ARSJ: variants seen among roughly 807,000 people sequenced by gnomAD.
ARSJ encodes arylsulfatase family member J.
In ARSJ, 26 loss-of-function variants were observed where a neutral mutation model predicts 35.9. The ratio of observed to expected loss-of-function variants is 0.72; its 90% CI spans 0.53 to 1.00. ARSJ has a LOEUF of 1.00. Ranked by LOEUF, ARSJ falls within the 50% of genes least tolerant of loss-of-function variation. The pLI, the probability that ARSJ is intolerant of heterozygous loss-of-function variation, is 0.00. For missense variants in ARSJ, 667 were observed against 723.6 expected (o/e 0.92, Z 0.90); for synonymous variants, 294 against 267.6 (o/e 1.10, Z -0.96).
Position 113,976,478 on chromosome 4 carries a change from A to C in ARSJ, c.398+1959T>G, listed in dbSNP as rs80287661. Among the ~76,000 whole-genome samples, 2,033 of 152,294 alleles carry C rather than the reference A, an allele frequency of 0.013. 114 individuals carry two copies. The East Asian group carries it at 0.16, about 12-fold the overall frequency. On this transcript the variant is annotated intron_variant, in intron 1 of 1. Transcript: ENST00000315366. ...AGTAATTTATATACTACTGCCCAAG[A>C]TCATTGCCAGGGGCTGATTGCAAAA...
At chr4:113,924,054 TAAATATATATAAATATATATAA>T (rs1723865082) in intron 1 of ARSJ, among the ~76,000 whole-genome samples, 2 of 124,752 alleles carry the variant, frequency 1.6e-5, no homozygotes, top group Non-Finnish European at 3.3e-5. Flanking sequence ...TAAATATATA[TAAATATATATAAATATATATAA>T]ATATATATAT....
chr4:113,932,954 C>A (rs915824136), intron 1 of ARSJ, among the ~76,000 whole-genome samples: 2 of 151,800 alleles, frequency 1.3e-5, no homozygotes, highest in African/African-American at 4.8e-5. Flanking sequence ...AATTGACAGA[C>A]TTTTGAGCTA....
In ARSJ at chr4:113,903,466, C is replaced by G. The variant is rs2099667780; in HGVS notation, c.608G>C (p.Ser203Thr). ...FDTFFGSLLG[S>T]GDYYTHYKCD... ...TTTGTAGTGTGTATAGTAATCCCCACTTCCCAAAAGGGAACCAAAAAAGGT... is the reference window on the plus strand; with the variant it reads ...TTTGTAGTGTGTATAGTAATCCCCAGTTCCCAAAAGGGAACCAAAAAAGGT... The change falls in exon 2 of 2, where the codon AGT (serine) becomes ACT (threonine). Residue 203 changes from serine (S) to threonine (T), a missense_variant. Transcript: ENST00000315366. The G allele has an allele frequency of 6.2e-7, 1 of 1,614,052 alleles. No individual in the cohort carries two copies. The highest frequency in any genetic ancestry group is 1.3e-5 in the African/African-American group (1 of 74,912).
chr4:113,907,563 A>G (rs2099669144), intron 1 of ARSJ, among the ~76,000 whole-genome samples: 1 of 152,152 alleles, frequency 6.6e-6, no homozygotes, highest in South Asian at 2.1e-4. Flanking sequence ...TCTGGCCTCC[A>G]CAAGTCTGTG....
At chr4:113,965,945 T>C (rs1349351915) in intron 1 of ARSJ, among the ~76,000 whole-genome samples, 1 of 152,088 alleles carries the variant, frequency 6.6e-6, no homozygotes, top group African/African-American at 2.4e-5. Context: ...TCAAAGGATC[T>C]AACACAATCT....
intron 1 of ARSJ, among the ~76,000 whole-genome samples, chr4:113,924,820 C>T (rs1269502444): frequency 6.6e-6 from 1 of 152,060 alleles, no homozygotes; most frequent in Non-Finnish European, 1.5e-5. Context: ...AGTTACAGTC[C>T]TCGTTTCTGC....
At chr4:113,975,287 A>C (rs1426633451) in intron 1 of ARSJ, among the ~76,000 whole-genome samples, 1 of 152,216 alleles carries the variant, frequency 6.6e-6, no homozygotes, top group Non-Finnish European at 1.5e-5. Context: ...GGGATAAATG[A>C]GTAACAAAAT....
At position 113,903,368 on chromosome 4, in the gene ARSJ, T is replaced by C. The variant is rs1174181247; in HGVS notation, c.706A>G (p.Ile236Val). The C allele has an allele frequency of 6.2e-7, 1 of 1,614,198 alleles. No homozygotes were observed. Among genetic ancestry groups the C allele is most frequent in the Admixed American group, 1.7e-5 (1 of 60,024 alleles). ...TGAGTGTACATCTGTGTGGAGTATA[T>C]GCCATTGTCATAGTCCCAGGCAGCA... ...DNAAWDYDNG[I>V]YSTQMYTQRV... Residue 236 changes from isoleucine to valine, a missense_variant, in exon 2 of 2, where the codon ATA becomes GTA. Coordinates refer to ENST00000315366, the MANE Select transcript of ARSJ (RefSeq NM_024590.4).
chr4:113,914,644 G>T (rs1405751622), intron 1 of ARSJ, among the ~76,000 whole-genome samples: 1 of 152,174 alleles, frequency 6.6e-6, no homozygotes, highest in African/African-American at 2.4e-5. Context: ...TGTCTTAGCT[G>T]CAAGCCATGT....
intron 1 of ARSJ, among the ~76,000 whole-genome samples, chr4:113,938,006 T>C (rs1028770283): frequency 6.6e-6 from 1 of 152,056 alleles, no homozygotes; most frequent in African/African-American, 2.4e-5. Flanking sequence ...AAATTACTGT[T>C]TACATTCTTC....
intron 1 of ARSJ, among the ~76,000 whole-genome samples, chr4:113,962,079 G>C (rs1421374364): frequency 6.6e-6 from 1 of 151,958 alleles, no homozygotes; most frequent in Non-Finnish European, 1.5e-5. Context: ...CATATGGATG[G>C]ACTAATAACA....
chr4:113,943,972 T>C (rs1000819697), intron 1 of ARSJ, among the ~76,000 whole-genome samples: 6 of 152,002 alleles, frequency 3.9e-5, no homozygotes, highest in African/African-American at 1.2e-4. Context: ...GGCAAAGACA[T>C]TGAAAAATTT....
chr4:113,967,642 T>C (rs1319542888), intron 1 of ARSJ, among the ~76,000 whole-genome samples: 2 of 152,144 alleles, frequency 1.3e-5, no homozygotes, highest in African/African-American at 4.8e-5. Flanking sequence ...AAATAACTGC[T>C]TTCTCTGAAT....
Position 113,903,595 on chromosome 4 carries a change from A to T in ARSJ, c.479T>A (p.Leu160Gln). Residue 160 changes from leucine (L) to glutamine (Q), a missense_variant, in exon 2 of 2, where the codon CTA becomes CAA. Leu to Gln is a moderately radical substitution (Grantham distance 113, BLOSUM62 -2). Transcript: ENST00000315366. ...PNCLPLDNAT[L>Q]PQKLKEVGYS... ...TCCAACCTCCTTCAGTTTCTGAGGT[A>T]GGGTGGCATTGTCCAGAGGTAAACA... The T allele has an allele frequency of 6.2e-7, 1 of 1,614,200 alleles. No homozygotes were observed. Among genetic ancestry groups the T allele is most frequent in the Non-Finnish European group, 8.5e-7 (1 of 1,180,014 alleles).
chr4:113,929,489 A>C (rs557568820), intron 1 of ARSJ, among the ~76,000 whole-genome samples: 1 of 152,212 alleles, frequency 6.6e-6, no homozygotes, highest in Admixed American at 6.5e-5. Context: ...TCTGGCAACA[A>C]AGGTTCATCA....
At chr4:113,925,854 C>G (rs1225509720) in intron 1 of ARSJ, among the ~76,000 whole-genome samples, 1 of 152,154 alleles carries the variant, frequency 6.6e-6, no homozygotes, top group Non-Finnish European at 1.5e-5. Flanking sequence ...CACCAGGTAG[C>G]TGGCTGATCA....
In ARSJ at chr4:113,947,782, G is replaced by T. The variant is rs115050966; in HGVS notation, c.398+30655C>A. Reference sequence around the variant, plus strand: ...ACCCTTTTTTGTTCATTAAGCTTGAGAAATTATATACTTTTTTAAGTGTAG... The same window carrying T: ...ACCCTTTTTTGTTCATTAAGCTTGATAAATTATATACTTTTTTAAGTGTAG... On this transcript the variant is annotated intron_variant, in intron 1 of 1. Transcript: ENST00000315366. Among the ~76,000 whole-genome samples, 337 of 152,156 alleles carry T rather than the reference G, an allele frequency of 2.2e-3. 1 individual carries two copies. The highest frequency in any genetic ancestry group is 7.6e-3 in the African/African-American group (315 of 41,528).
chr4:113,935,977 T>C lies in ARSJ; in HGVS notation c.399-32302A>G, dbSNP rs569910403. Among the ~76,000 whole-genome samples the C allele has an allele frequency of 2.6e-5, 4 of 152,078 alleles. No individual in the cohort carries two copies. The East Asian group carries it at 7.7e-4, about 29-fold the overall frequency. On this transcript the variant is annotated intron_variant, in intron 1 of 1. Coordinates refer to ENST00000315366, the MANE Select transcript of ARSJ (RefSeq NM_024590.4). ...GTATAAATATATGCAGAAGTGAAGGTTGAATGTTAAACAGTATTTGCTATC... is the reference window on the plus strand; with the variant it reads ...GTATAAATATATGCAGAAGTGAAGGCTGAATGTTAAACAGTATTTGCTATC...
chr4:113,974,086 A>C (rs554456961), intron 1 of ARSJ, among the ~76,000 whole-genome samples: 3 of 152,196 alleles, frequency 2.0e-5, no homozygotes, highest in Non-Finnish European at 4.4e-5. Flanking sequence ...ATGGGTATAC[A>C]CATGGAAAAA....
Sources: allele counts gnomAD v4.1 joint callset (sites outside exome capture counted in the v4.1 genomes callset), GRCh38; gene constraint gnomAD v4.1.1; transcripts MANE v1.5; gene names NCBI Gene and HGNC (gene_info 2026-07-23, HGNC 2026-07-21).